The following CHRM3 variants were observed in gnomAD, a reference collection of about 807,000 sequenced individuals.
The protein encoded by CHRM3 is cholinergic receptor muscarinic 3.
Under a neutral mutation model 41.8 loss-of-function variants are expected in CHRM3, and 11 were observed. The ratio of observed to expected loss-of-function variants is 0.26; its 90% CI spans 0.17 to 0.44. CHRM3 has a LOEUF of 0.44. Ranked by LOEUF, CHRM3 falls within the 20% of genes least tolerant of loss-of-function variation. The pLI is 1.00. For missense variants in CHRM3, 571 were observed against 745.4 expected, an observed-to-expected ratio of 0.77 and a Z score of 2.72; for synonymous variants, 297 against 301.4, an observed-to-expected ratio of 0.99 and a Z score of 0.15.
chr1:239,629,806 T>C (rs1669599010), intron 3 of CHRM3, among the ~76,000 whole-genome samples: 1 of 152,186 alleles, frequency 6.6e-6, no homozygotes, highest in Non-Finnish European at 1.5e-5. Context: ...CATCTGGCCT[T>C]CCATAATTAT....
At chr1:239,418,260 C>T (rs1661663318) in intron 1 of CHRM3, among the ~76,000 whole-genome samples, 1 of 152,100 alleles carries the variant, frequency 6.6e-6, no homozygotes, top group Non-Finnish European at 1.5e-5. Context: ...GGCAGCTCAT[C>T]TGTGTTTTTA....
At chr1:239,544,638 C>T (rs1214553117) in intron 2 of CHRM3, among the ~76,000 whole-genome samples, 1 of 152,152 alleles carries the variant, frequency 6.6e-6, no homozygotes, top group Non-Finnish European at 1.5e-5. Flanking sequence ...CCAATGCCTA[C>T]TTTTGTTGTT....
chr1:239,572,959 T>C (rs1661969328), intron 3 of CHRM3, among the ~76,000 whole-genome samples: 1 of 152,176 alleles, frequency 6.6e-6, no homozygotes, highest in Non-Finnish European at 1.5e-5. Flanking sequence ...CTGTTTCTTC[T>C]CTAAATGTTC....
At chr1:239,652,438 ACTAC>A (rs572113897) in intron 4 of CHRM3, among the ~76,000 whole-genome samples, 304 of 152,310 alleles carry the variant, frequency 2.0e-3, no homozygotes, top group African/African-American at 6.8e-3. Context: ...CCTCATAAAT[ACTAC>A]TATGAGAGAT....
intron 4 of CHRM3, among the ~76,000 whole-genome samples, chr1:239,674,519 C>T (rs1657775258): frequency 6.6e-6 from 1 of 151,802 alleles, no homozygotes; most frequent in African/African-American, 2.4e-5. Flanking sequence ...ACCATCCTGG[C>T]TAACACGGTG....
intron 5 of CHRM3, among the ~76,000 whole-genome samples, chr1:239,686,509 C>A (rs1659161490): frequency 6.6e-6 from 1 of 152,142 alleles, no homozygotes; most frequent in Non-Finnish European, 1.5e-5. Context: ...CTTCCCTGGG[C>A]AGAGTTAAAA....
At chr1:239,755,936 ACT>A (rs541149392) in intron 5 of CHRM3, among the ~76,000 whole-genome samples, 123 of 152,346 alleles carry the variant, frequency 8.1e-4, no homozygotes, top group African/African-American at 2.9e-3. Flanking sequence ...GAAAAAAATC[ACT>A]TTTTTTAGAA....
chr1:239,430,335 T>G (rs1353652369), intron 1 of CHRM3, among the ~76,000 whole-genome samples: 1 of 152,134 alleles, frequency 6.6e-6, no homozygotes. Context: ...ACACATTTTT[T>G]TAAAATGTTC....
chr1:239,839,575 G>A (rs1673609363), intron 6 of CHRM3, among the ~76,000 whole-genome samples: 1 of 152,244 alleles, frequency 6.6e-6, no homozygotes, highest in Non-Finnish European at 1.5e-5. Flanking sequence ...TTGGGTCAGA[G>A]ACAAATGTTT....
chr1:239,805,630 ATG>A (rs5782101), intron 5 of CHRM3, among the ~76,000 whole-genome samples: 39,805 of 148,362 alleles, frequency 0.27, 5,355 homozygotes, highest in Middle Eastern at 0.31. Flanking sequence ...GGTGGGGTGA[ATG>A]TGTGTGTGTG....
At chr1:239,736,319 C>T (rs1664390140) in intron 5 of CHRM3, among the ~76,000 whole-genome samples, 1 of 151,922 alleles carries the variant, frequency 6.6e-6, no homozygotes, top group Non-Finnish European at 1.5e-5. Context: ...AAAGCAGCCT[C>T]TTTGAGGACA....
At chr1:239,867,414 C>T (rs2149302972) in intron 6 of CHRM3, among the ~76,000 whole-genome samples, 1 of 152,130 alleles carries the variant, frequency 6.6e-6, no homozygotes, top group East Asian at 1.9e-4. Flanking sequence ...TGGGCTGGGC[C>T]CGGTGGCTCA....
intron 4 of CHRM3, among the ~76,000 whole-genome samples, chr1:239,658,658 G>A (rs1157454982): frequency 6.6e-6 from 1 of 152,030 alleles, no homozygotes; most frequent in Non-Finnish European, 1.5e-5. Flanking sequence ...AAGATTTTTA[G>A]CACCTAAAAG....
intron 2 of CHRM3, among the ~76,000 whole-genome samples, chr1:239,523,720 T>C (rs1669806357): frequency 6.6e-6 from 1 of 152,154 alleles, no homozygotes; most frequent in South Asian, 2.1e-4. Context: ...CTATTGTATG[T>C]TTGTTGGAAC....
chr1:239,512,117 T>C (rs568769869), intron 2 of CHRM3, among the ~76,000 whole-genome samples: 52 of 152,130 alleles, frequency 3.4e-4, no homozygotes, highest in Non-Finnish European at 5.7e-4. Flanking sequence ...GGCACTAGGA[T>C]GGGTTAAGAG....
intron 4 of CHRM3, among the ~76,000 whole-genome samples, chr1:239,653,024 T>C (rs977895436): frequency 1.3e-5 from 2 of 152,206 alleles, no homozygotes; most frequent in Admixed American, 1.3e-4. Context: ...TTGGACAGTG[T>C]TAATGAAAAA....
intron 3 of CHRM3, among the ~76,000 whole-genome samples, chr1:239,551,341 T>C (rs1274614942): frequency 1.1e-4 from 16 of 151,698 alleles, no homozygotes. Flanking sequence ...TTTGTATTTT[T>C]GGTAGAGACG....
At chr1:239,460,109 C>T (rs1426130483) in intron 1 of CHRM3, among the ~76,000 whole-genome samples, 2 of 152,060 alleles carry the variant, frequency 1.3e-5, no homozygotes, top group African/African-American at 4.8e-5. Context: ...AATCATAGTC[C>T]GGCTCCAGAA....
chr1:239,756,206 A>T (rs1343097730), intron 5 of CHRM3, among the ~76,000 whole-genome samples: 1 of 152,162 alleles, frequency 6.6e-6, no homozygotes, highest in Non-Finnish European at 1.5e-5. Flanking sequence ...TGGATCCATA[A>T]TGACTCAATC....
Sources: gnomAD v4.1 joint callset for allele counts (sites outside exome capture counted in the v4.1 genomes callset) on GRCh38, gnomAD v4.1.1 for gene constraint, MANE v1.5 for transcripts, NCBI Gene and HGNC (gene_info 2026-07-23, HGNC 2026-07-21) for gene names.